Variants in BRIP1 observed in about 807,000 individuals in gnomAD.
BRIP1 encodes the protein Fanconi anemia group J protein.
BRIP1 carries 88 observed loss-of-function variants against 119.7 expected under a neutral mutation model. That is an observed-to-expected ratio of 0.74 (90% confidence interval 0.62 to 0.88). BRIP1 has a LOEUF of 0.88. Ranked by LOEUF, BRIP1 falls within the 40% of genes least tolerant of loss-of-function variation. BRIP1 has a pLI of 0.00. For synonymous variants in BRIP1, 443 were observed against 496.5 expected (o/e 0.89, Z 1.43); for missense variants, 1,259 against 1,455.4 (o/e 0.87, Z 2.20).
chr17:61,782,328 G>A (rs111566185), intron 11 of BRIP1, among the ~76,000 whole-genome samples: 2 of 150,280 alleles, frequency 1.3e-5, no homozygotes, highest in African/African-American at 4.9e-5. Flanking sequence ...TGAGCTTGCA[G>A]TGAGCCGAGA....
chr17:61,786,898 A>T (rs1455380866), intron 10 of BRIP1, among the ~76,000 whole-genome samples: 3 of 107,412 alleles, frequency 2.8e-5, no homozygotes, highest in Admixed American at 1.3e-4. Context: ...AATATATTTT[A>T]TATATAATGT....
At chr17:61,849,073 C>T (rs2145759641) in intron 5 of BRIP1, 56 bp downstream of exon 5, 1 of 1,583,570 alleles carries the variant, frequency 6.3e-7, no homozygotes, top group Non-Finnish European at 8.7e-7. Context: ...TGATACTTGA[C>T]TACCATGTTC....
intron 6 of BRIP1, among the ~76,000 whole-genome samples, chr17:61,812,143 G>A (rs1567841130): frequency 2.6e-5 from 4 of 152,058 alleles, no homozygotes; most frequent in African/African-American, 7.2e-5. Flanking sequence ...CAGGAGGTCA[G>A]AATATCCCCC....
intron 14 of BRIP1, among the ~76,000 whole-genome samples, chr17:61,764,738 G>C (rs905873086): frequency 6.6e-6 from 1 of 151,908 alleles, no homozygotes; most frequent in Non-Finnish European, 1.5e-5. Flanking sequence ...TAACTAATTT[G>C]TCTGTCATTT....
In BRIP1 at chr17:61,769,927, T is replaced by C. The variant is rs1239829028; in HGVS notation, c.2097+6474A>G. On this transcript the variant is annotated intron_variant, in intron 14 of 19. Transcript: ENST00000259008. This position sits in a 1 kb window ranked among gnomAD's most constrained non-coding sequence, Gnocchi z 4.9. The stretch of plus-strand genomic sequence containing the variant: ...AGTCTTGCCAGGGGGCCCACAATTT[T>C]TAAGACATTACCTCTAAAAATCCCA... 2.0e-5 allele frequency among the ~76,000 whole-genome samples: 3 copies of C among 152,166 alleles called. No individual in the cohort carries two copies. The highest frequency in any genetic ancestry group is 6.5e-5 in the Admixed American group (1 of 15,276).
chr17:61,731,304 C>T (rs2076840239), intron 16 of BRIP1, among the ~76,000 whole-genome samples: 1 of 152,130 alleles, frequency 6.6e-6, no homozygotes, highest in Non-Finnish European at 1.5e-5. Flanking sequence ...ACATCCATTT[C>T]CCCTGGGTAA....
rs2061370302 is a variant in BRIP1 at position 61,686,709 on chromosome 17, T to C, written c.2576-544A>G. On this transcript the variant is annotated intron_variant, in intron 18 of 19. Coordinates refer to ENST00000259008, the MANE Select transcript of BRIP1 (RefSeq NM_032043.3). The surrounding 1 kb of genome is among the most constrained non-coding windows in gnomAD (Gnocchi z 5.4). ...CTGTCTTATGGGTAAATCACATCCC[T>C]TCTGAATTTTTATGATATAATTATT... 6.6e-6 allele frequency among the ~76,000 whole-genome samples: 1 copy of C among 152,056 alleles called. No homozygotes were observed.
At chr17:61,840,089 T>C (rs963186353) in intron 6 of BRIP1, among the ~76,000 whole-genome samples, 1 of 152,184 alleles carries the variant, frequency 6.6e-6, no homozygotes, top group Non-Finnish European at 1.5e-5. Context: ...CCAGGTTCCG[T>C]GGCTCACGCC....
At chr17:61,772,839 A>C (rs972422231) in intron 14 of BRIP1, among the ~76,000 whole-genome samples, 1 of 151,276 alleles carries the variant, frequency 6.6e-6, no homozygotes, top group African/African-American at 2.4e-5. Context: ...AAAAAAAAAA[A>C]AAAACCTAAA....
intron 6 of BRIP1, among the ~76,000 whole-genome samples, chr17:61,838,284 T>C (rs1480281617): frequency 2.6e-5 from 4 of 152,032 alleles, no homozygotes; most frequent in Admixed American, 2.6e-4. Context: ...ATATAACGTA[T>C]CTCCTGACCT....
intron 6 of BRIP1, among the ~76,000 whole-genome samples, chr17:61,818,167 A>T (rs556341638): frequency 6.8e-6 from 1 of 146,372 alleles, no homozygotes; most frequent in South Asian, 2.4e-4. Flanking sequence ...AGCCTGGGCA[A>T]CATGGCAAGA....
rs895064686 is a variant in BRIP1, at chr17:61,740,104, G to T, written c.2379+2909C>A. On this transcript the variant is annotated intron_variant, in intron 16 of 19. Coordinates refer to ENST00000259008, the MANE Select transcript of BRIP1 (RefSeq NM_032043.3). The surrounding 1 kb of genome is among the most constrained non-coding windows in gnomAD (Gnocchi z 5.4). ...GTGAACTCCATTATCCCAGTTCTCT[G>T]CTTGGGTATAATTTCCTGACCACAG... Among the ~76,000 whole-genome samples the T allele has an allele frequency of 6.6e-5, 10 of 152,056 alleles. No individual in the cohort carries two copies. The highest frequency in any genetic ancestry group is 2.2e-4 in the African/African-American group (9 of 41,408).
rs2078358645 is a variant in BRIP1, at chr17:61,823,616, C to T, written c.628-14859G>A. ...TCAGTGATGTATAATATCAAGCTGT[C>T]TAATATACACATAATTGAAGTCTGA... On this transcript the variant is annotated intron_variant, in intron 6 of 19. Coordinates refer to ENST00000259008, the MANE Select transcript of BRIP1 (RefSeq NM_032043.3). This position sits in a 1 kb window ranked among gnomAD's most constrained non-coding sequence, Gnocchi z 4.8. 6.6e-6 allele frequency among the ~76,000 whole-genome samples: 1 copy of T among 151,924 alleles called. No individual in the cohort carries two copies. The highest frequency in any genetic ancestry group is 1.5e-5 in the Non-Finnish European group (1 of 67,982).
Position 61,720,464 on chromosome 17 carries a change from T to A in BRIP1, c.2380-4401A>T, listed in dbSNP as rs753572322. 6.6e-6 allele frequency among the ~76,000 whole-genome samples: 1 copy of A among 152,232 alleles called. No homozygotes were observed. The highest frequency in any genetic ancestry group is 1.5e-5 in the Non-Finnish European group (1 of 68,038). ...GGCTTTCAAGATATATTAACAAAAC[T>A]TATACAGCAGTTCCCTCTTATCTGC... On this transcript the variant is annotated intron_variant, in intron 16 of 19. Transcript: ENST00000259008. This position sits in a 1 kb window ranked among gnomAD's most constrained non-coding sequence, Gnocchi z 4.3.
rs1462806943 is a variant in BRIP1, at chr17:61,814,101, A to G, written c.628-5344T>C. 2.6e-5 allele frequency among the ~76,000 whole-genome samples: 4 copies of G among 152,132 alleles called. No homozygotes were observed. Among genetic ancestry groups the G allele is most frequent in the African/African-American group, 9.6e-5 (4 of 41,466 alleles). ...CAATTAATAGACTCTTTAGAGCAAG[A>G]GTCAGCAAAAGAGCCAGACAGTAAA... On this transcript the variant is annotated intron_variant, in intron 6 of 19. Transcript: ENST00000259008. The surrounding 1 kb of genome is among the most constrained non-coding windows in gnomAD (Gnocchi z 4.9).
intron 6 of BRIP1, among the ~76,000 whole-genome samples, chr17:61,836,204 C>T (rs796705316): frequency 1.4e-4 from 21 of 149,702 alleles, no homozygotes; most frequent in African/African-American, 4.9e-4. Context: ...CTCTACCTCC[C>T]GGGCTCAAGC....
intron 14 of BRIP1, among the ~76,000 whole-genome samples, chr17:61,772,820 GAAAAAAAAA>G (rs71355193): frequency 9.3e-5 from 5 of 53,540 alleles, no homozygotes; most frequent in Admixed American, 2.6e-4. Context: ...TTCCATCTCA[GAAAAAAAAA>G]AAAAAAAAAA....
intron 6 of BRIP1, among the ~76,000 whole-genome samples, chr17:61,819,321 A>G (rs2078285835): frequency 6.6e-6 from 1 of 152,202 alleles, no homozygotes; most frequent in African/African-American, 2.4e-5. Context: ...ACAATTTGGA[A>G]ATTCCTCAAA....
Position 61,845,763 on chromosome 17 carries a change from A to G in BRIP1, c.627+1338T>C, listed in dbSNP as rs1378071631. ...GACATCCATCCTGCTTCTGTATGCAAAAGTGTTTTATGAGTTCTATTCATT... is the reference window on the plus strand; with the variant it reads ...GACATCCATCCTGCTTCTGTATGCAGAAGTGTTTTATGAGTTCTATTCATT... On this transcript the variant is annotated intron_variant, in intron 6 of 19. Coordinates refer to ENST00000259008, the MANE Select transcript of BRIP1 (RefSeq NM_032043.3). The surrounding 1 kb of genome is among the most constrained non-coding windows in gnomAD (Gnocchi z 4.2). Among the ~76,000 whole-genome samples the G allele has an allele frequency of 6.6e-6, 1 of 152,216 alleles. No individual in the cohort carries two copies. The highest frequency in any genetic ancestry group is 1.9e-4 in the East Asian group (1 of 5,202).
Sources: gnomAD v4.1 joint callset for allele counts (sites outside exome capture counted in the v4.1 genomes callset) on GRCh38, gnomAD v4.1.1 for gene constraint, Gnocchi (gnomAD v3.1) non-coding constraint, MANE v1.5 for transcripts, NCBI Gene and HGNC (gene_info 2026-07-23, HGNC 2026-07-21) for gene names.